Variants in ADARB2 observed in about 807,000 individuals in gnomAD.
ADARB2 encodes the protein adenosine deaminase RNA specific B2 (inactive), also known as inactive double-stranded RNA-specific editase B2.
A neutral mutation model predicts 62.2 loss-of-function variants in ADARB2; 25 were observed. The ratio of observed to expected loss-of-function variants is 0.40; its 90% CI spans 0.29 to 0.56. The LOEUF is 0.56. Among genes scored for constraint, ADARB2 ranks in the 20% least tolerant of loss-of-function variants. ADARB2 has a pLI of 0.43. For missense variants in ADARB2, 1,071 were observed against 1,077.4 expected (o/e 0.99, Z 0.08); for synonymous variants, 572 against 500.8 (o/e 1.14, Z -1.90).
intron 4 of ADARB2, among the ~76,000 whole-genome samples, chr10:1,265,472 C>A (rs2131794826): frequency 6.6e-6 from 1 of 152,388 alleles, no homozygotes; most frequent in Non-Finnish European, 1.5e-5. Flanking sequence ...CGGGAGGGAA[C>A]AACGCTGAAC....
chr10:1,473,627 C>T (rs1201971757), intron 1 of ADARB2, among the ~76,000 whole-genome samples: 1 of 152,232 alleles, frequency 6.6e-6, no homozygotes, highest in African/African-American at 2.4e-5. Context: ...AGCTATCCAC[C>T]TGCCTTGGCC....
intron 1 of ADARB2, among the ~76,000 whole-genome samples, chr10:1,525,390 C>T (rs1832127733): frequency 6.6e-6 from 1 of 152,156 alleles, no homozygotes. Context: ...AATCTGAAAA[C>T]ATTTATTTCA....
intron 1 of ADARB2, among the ~76,000 whole-genome samples, chr10:1,706,715 T>G (rs1834894100): frequency 6.6e-6 from 1 of 152,206 alleles, no homozygotes; most frequent in Non-Finnish European, 1.5e-5. Context: ...GGTATTTTTA[T>G]CTTCTGCCTG....
At chr10:1,664,009 C>A (rs530337835) in intron 1 of ADARB2, among the ~76,000 whole-genome samples, 1 of 152,162 alleles carries the variant, frequency 6.6e-6, no homozygotes, top group African/African-American at 2.4e-5. Flanking sequence ...TGGCTGCTGC[C>A]GAGTTTTGGC....
At chr10:1,644,394 C>G (rs1456817875) in intron 1 of ADARB2, among the ~76,000 whole-genome samples, 1 of 152,270 alleles carries the variant, frequency 6.6e-6, no homozygotes, top group African/African-American at 2.4e-5. Context: ...ACATGCAAAA[C>G]AAACTATTTT....
intron 1 of ADARB2, among the ~76,000 whole-genome samples, chr10:1,416,181 C>G (rs752037276): frequency 6.6e-6 from 1 of 152,174 alleles, no homozygotes; most frequent in East Asian, 1.9e-4. Flanking sequence ...TGAACATATG[C>G]GGTTCATATT....
intron 1 of ADARB2, among the ~76,000 whole-genome samples, chr10:1,727,071 C>G (rs1216527737): frequency 1.3e-5 from 2 of 152,206 alleles, no homozygotes; most frequent in African/African-American, 4.8e-5. Context: ...TGGACAGACT[C>G]CAATTTACAT....
At chr10:1,626,025 G>A (rs55775093) in intron 1 of ADARB2, among the ~76,000 whole-genome samples, 2 of 132,090 alleles carry the variant, frequency 1.5e-5, no homozygotes, top group Admixed American at 1.6e-4. Flanking sequence ...GCTCCTGCAT[G>A]GACACAGGCC....
chr10:1,255,425 A>C lies in ADARB2; in HGVS notation c.1193-13126T>G, dbSNP rs1471248504. Among the ~76,000 whole-genome samples, 1 of 152,162 alleles carries C rather than the reference A, an allele frequency of 6.6e-6. No individual in the cohort carries two copies. The highest frequency in any genetic ancestry group is 1.5e-5 in the Non-Finnish European group (1 of 68,034). On this transcript the variant is annotated intron_variant, in intron 4 of 9. Coordinates refer to ENST00000381312, the MANE Select transcript of ADARB2 (RefSeq NM_018702.4). The surrounding 1 kb of genome is among the most constrained non-coding windows in gnomAD (Gnocchi z 4.7). ...TACACACTAATCAAACATGCTGCTC[A>C]CTCCACATAACATACAACACGACAA...
chr10:1,413,768 T>C (rs963423870), intron 1 of ADARB2, among the ~76,000 whole-genome samples: 1 of 152,200 alleles, frequency 6.6e-6, no homozygotes, highest in Non-Finnish European at 1.5e-5. Flanking sequence ...AATGACAAAT[T>C]CATCGTTTTA....
At chr10:1,410,684 G>T (rs974292386) in intron 1 of ADARB2, among the ~76,000 whole-genome samples, 5 of 152,144 alleles carry the variant, frequency 3.3e-5, no homozygotes, top group Non-Finnish European at 5.9e-5. Context: ...CGGCTGCGGT[G>T]GTTTTCCTGT....
At chr10:1,734,457 T>G (rs1835275380) in intron 1 of ADARB2, among the ~76,000 whole-genome samples, 1 of 152,304 alleles carries the variant, frequency 6.6e-6, no homozygotes, top group Non-Finnish European at 1.5e-5. Context: ...CCGGCATGCT[T>G]TATTTCAGAG....
At chr10:1,187,504 T>C (rs777008157) in intron 8 of ADARB2, among the ~76,000 whole-genome samples, 1 of 151,958 alleles carries the variant, frequency 6.6e-6, no homozygotes, top group Non-Finnish European at 1.5e-5. Context: ...GAGGAAAGCC[T>C]TGGGAGCCTG....
At chr10:1,719,246 G>A (rs1835058547) in intron 1 of ADARB2, among the ~76,000 whole-genome samples, 1 of 152,180 alleles carries the variant, frequency 6.6e-6, no homozygotes, top group African/African-American at 2.4e-5. Context: ...TTACAGGTGT[G>A]AACCACCATG....
At chr10:1,467,153 G>A (rs1232546562) in intron 1 of ADARB2, among the ~76,000 whole-genome samples, 4 of 152,122 alleles carry the variant, frequency 2.6e-5, no homozygotes. Context: ...TAAACATTGC[G>A]ATGCTTTCTA....
chr10:1,396,035 G>A (rs1367802292), intron 1 of ADARB2, among the ~76,000 whole-genome samples: 1 of 152,192 alleles, frequency 6.6e-6, no homozygotes, highest in East Asian at 1.9e-4. Flanking sequence ...GTCCAAATGC[G>A]GGCCATTTCT....
rs144608983 is a variant in ADARB2 at position 1,334,496 on chromosome 10, A to T, written c.1077+28532T>A. 6.6e-5 allele frequency among the ~76,000 whole-genome samples: 10 copies of T among 152,324 alleles called. 1 individual carries two copies. Among genetic ancestry groups the T allele is most frequent in the African/African-American group, 2.4e-4 (10 of 41,576 alleles). On this transcript the variant is annotated intron_variant, in intron 3 of 9. Coordinates refer to ENST00000381312, the MANE Select transcript of ADARB2 (RefSeq NM_018702.4). ...GTGTTTGTATATAATAAATACATTT[A>T]TAGTGTATTGCATGTTTATATGTGT...
chr10:1,557,579 G>A lies in ADARB2; in HGVS notation c.101-178419C>T, dbSNP rs1832723447. 2.0e-5 allele frequency among the ~76,000 whole-genome samples: 3 copies of A among 152,060 alleles called. No homozygotes were observed. In the South Asian group the frequency reaches 6.2e-4, roughly 31 times the overall value. ...AACAGTTCTTCACCTTCCTAATTCCGAGCTGTTGCCCACATTTGTTTATTT... is the reference window on the plus strand; with the variant it reads ...AACAGTTCTTCACCTTCCTAATTCCAAGCTGTTGCCCACATTTGTTTATTT... On this transcript the variant is annotated intron_variant, in intron 1 of 9. Coordinates refer to ENST00000381312, the MANE Select transcript of ADARB2 (RefSeq NM_018702.4).
intron 1 of ADARB2, among the ~76,000 whole-genome samples, chr10:1,572,123 G>A (rs1353151522): frequency 2.7e-5 from 4 of 148,010 alleles, no homozygotes; most frequent in African/African-American, 1.0e-4. Context: ...AGGTGAGTAG[G>A]CAGGTGAGTG....
Sources: allele counts gnomAD v4.1 joint callset (sites outside exome capture counted in the v4.1 genomes callset), GRCh38; gene constraint gnomAD v4.1.1; non-coding constraint Gnocchi (gnomAD v3.1); transcripts MANE v1.5; gene names NCBI Gene and HGNC (gene_info 2026-07-23, HGNC 2026-07-21).